The following PHF14 variants were observed in gnomAD, a reference collection of about 807,000 sequenced individuals.
PHF14 encodes the protein PHD finger protein 14.
In PHF14, 55 loss-of-function variants were observed where a neutral mutation model predicts 117.9. That is an observed-to-expected ratio of 0.47 (90% CI 0.38 to 0.58). The LOEUF is 0.58. Ranked by LOEUF, PHF14 falls within the 20% of genes least tolerant of loss-of-function variation. PHF14 has a pLI of 0.00. For missense variants in PHF14, 978 were observed against 1,122.2 expected (o/e 0.87, Z 1.84); for synonymous variants, 409 against 368.6 (o/e 1.11, Z -1.26).
intron 17 of PHF14, among the ~76,000 whole-genome samples, chr7:11,160,788 A>C (rs1212030231): frequency 6.6e-6 from 1 of 152,016 alleles, no homozygotes; most frequent in Non-Finnish European, 1.5e-5. Flanking sequence ...TTTTGAATTA[A>C]GTTTCTTGTA....
chr7:11,073,497 C>A (rs566318067), intron 16 of PHF14, among the ~76,000 whole-genome samples: 8 of 152,238 alleles, frequency 5.3e-5, no homozygotes, highest in Non-Finnish European at 1.2e-4. Flanking sequence ...AGCTCTGCTG[C>A]TGTGGCTTTC....
At chr7:10,989,871 T>TC (rs1371656081) in intron 3 of PHF14, among the ~76,000 whole-genome samples, 1 of 152,176 alleles carries the variant, frequency 6.6e-6, no homozygotes, top group Non-Finnish European at 1.5e-5. Flanking sequence ...CCTCAAGTGA[T>TC]CCTCCTGCTT....
At chr7:11,102,989 C>G in intron 16 of PHF14, 4 of 995,708 alleles carry the variant, frequency 4.0e-6, no homozygotes, top group Non-Finnish European at 4.8e-6. Context: ...AAATAACAAA[C>G]AAGAAAGACA....
intron 6 of PHF14, among the ~76,000 whole-genome samples, chr7:11,028,036 TG>T (rs1783984287): frequency 3.3e-5 from 5 of 152,174 alleles, no homozygotes; most frequent in Non-Finnish European, 7.4e-5. Context: ...TGACTTATGA[TG>T]GGTTTACATC....
chr7:11,086,691 T>A (rs1013451919), intron 16 of PHF14, among the ~76,000 whole-genome samples: 2 of 152,208 alleles, frequency 1.3e-5, no homozygotes, highest in Non-Finnish European at 2.9e-5. Flanking sequence ...GTTATAATTG[T>A]CAGATATTAA....
chr7:11,108,241 CA>C (rs1307150241), intron 16 of PHF14: 1 of 151,654 alleles, frequency 6.6e-6, no homozygotes, highest in Non-Finnish European at 1.5e-5. Context: ...ATAGAAACAA[CA>C]GATTTTTTTC....
chr7:11,009,407 A>G (rs554844567), intron 4 of PHF14, among the ~76,000 whole-genome samples: 44 of 152,310 alleles, frequency 2.9e-4, no homozygotes, highest in Admixed American at 6.5e-4. Flanking sequence ...TACATTGCAT[A>G]TATTAGTCAA....
chr7:11,160,968 A>G (rs532594023), intron 17 of PHF14, among the ~76,000 whole-genome samples: 13 of 152,212 alleles, frequency 8.5e-5, no homozygotes, highest in African/African-American at 2.9e-4. Context: ...TTTTGAGGAC[A>G]TAGTCATAAA....
chr7:11,101,974 A>G (rs1787109352), intron 16 of PHF14, among the ~76,000 whole-genome samples: 1 of 151,882 alleles, frequency 6.6e-6, no homozygotes, highest in Admixed American at 6.6e-5. Flanking sequence ...GCTTAGGCAC[A>G]GGATAAGAAT....
chr7:11,051,800 T>G lies in PHF14; in HGVS notation c.2481+20T>G. 1 of 1,605,932 alleles carries G rather than the reference T, an allele frequency of 6.2e-7. No homozygotes were observed. Among genetic ancestry groups the G allele is most frequent in the Non-Finnish European group, 8.5e-7 (1 of 1,174,170 alleles). On this transcript the variant is annotated intron_variant, in intron 14 of 17. Transcript: ENST00000634607. ...AACACGGTAGTTTATTTTTTATTTA[T>G]CATAAGCATCATACAATTCTGAGGC...
At chr7:11,070,409 C>T (rs1227734050) in intron 16 of PHF14, among the ~76,000 whole-genome samples, 1 of 152,198 alleles carries the variant, frequency 6.6e-6, no homozygotes, top group Non-Finnish European at 1.5e-5. Context: ...GTATTGATTT[C>T]ATCTCATTTG....
At position 11,032,232 on chromosome 7, in the gene PHF14, T is replaced by G. The variant is rs538939154; in HGVS notation, c.1456-3408T>G. 2.0e-5 allele frequency among the ~76,000 whole-genome samples: 3 copies of G among 152,246 alleles called. No individual in the cohort carries two copies. The East Asian group carries it at 5.8e-4, about 29-fold the overall frequency. ...TCTATTAGAGCATATATGGCTGAGG[T>G]GGGGTGGACAAGAATATTGATAATG... On this transcript the variant is annotated intron_variant, in intron 7 of 17. Transcript: ENST00000634607.
At chr7:11,006,866 G>C (rs1166110117) in intron 4 of PHF14, 1 of 611,200 alleles carries the variant, frequency 1.6e-6, no homozygotes, top group Non-Finnish European at 3.0e-6. Flanking sequence ...TTTCGGCACT[G>C]TCTTGTGAAA....
chr7:11,045,599 T>C (rs1784637627), intron 13 of PHF14, among the ~76,000 whole-genome samples: 1 of 152,218 alleles, frequency 6.6e-6, no homozygotes, highest in African/African-American at 2.4e-5. Flanking sequence ...CAGCACTGTT[T>C]TCAAGGAGAC....
At chr7:11,067,742 A>G (rs1166159595) in intron 16 of PHF14, among the ~76,000 whole-genome samples, 2 of 152,126 alleles carry the variant, frequency 1.3e-5, no homozygotes, top group Admixed American at 6.5e-5. Context: ...TCTGGTGAGG[A>G]CCTCAAGGTG....
chr7:11,107,243 T>G, intron 16 of PHF14: 1 of 981,540 alleles, frequency 1.0e-6, no homozygotes, highest in Non-Finnish European at 1.2e-6. Context: ...TAATTGCTTG[T>G]TATATGGATC....
rs1363653031 is a variant in PHF14 at position 11,097,585 on chromosome 7, A to G, written c.2655-13765A>G. ...AAAATTTACCTGACTTTTGAACTTCATCAGCAGTATCCCCACCATGTTGTT... is the reference window on the plus strand; with the variant it reads ...AAAATTTACCTGACTTTTGAACTTCGTCAGCAGTATCCCCACCATGTTGTT... On this transcript the variant is annotated intron_variant, in intron 16 of 17. Coordinates refer to ENST00000634607, the MANE Select transcript of PHF14 (RefSeq NM_001007157.2). Among the ~76,000 whole-genome samples, 6 of 152,292 alleles carry G rather than the reference A, an allele frequency of 3.9e-5. 1 individual carries two copies. The East Asian group carries it at 1.2e-3, about 29-fold the overall frequency.
intron 14 of PHF14, among the ~76,000 whole-genome samples, chr7:11,055,553 TTGAC>T (rs1394189898): frequency 2.0e-5 from 3 of 152,188 alleles, no homozygotes; most frequent in Non-Finnish European, 4.4e-5. Flanking sequence ...TTTAGCAGCT[TTGAC>T]TGAAAACCAT....
intron 17 of PHF14, among the ~76,000 whole-genome samples, chr7:11,142,344 C>G (rs1788424309): frequency 6.6e-6 from 1 of 151,964 alleles, no homozygotes; most frequent in East Asian, 1.9e-4. Flanking sequence ...CATAATGGAT[C>G]ATTTTTATCT....
Sources: allele counts gnomAD v4.1 joint callset (sites outside exome capture counted in the v4.1 genomes callset), GRCh38; gene constraint gnomAD v4.1.1; transcripts MANE v1.5; gene names NCBI Gene and HGNC (gene_info 2026-07-23, HGNC 2026-07-21).